The following LRP1 variants were observed in gnomAD, a reference collection of about 807,000 sequenced individuals.
LRP1 encodes LDL receptor related protein 1.
In LRP1, 51 loss-of-function variants were observed where a neutral mutation model predicts 541.5. The ratio of observed to expected loss-of-function variants is 0.09; its 90% confidence interval spans 0.08 to 0.12. The LOEUF (loss-of-function observed/expected upper bound fraction) is 0.12, where lower values mean the gene tolerates loss of function less well. Among genes scored for constraint, LRP1 ranks in the 10% least tolerant of loss-of-function variants. LRP1 has a pLI of 1.00. For synonymous variants in LRP1, 2,219 were observed against 2,470.8 expected, an observed-to-expected ratio of 0.90 and a Z score of 3.02; for missense variants, 3,878 against 6,376.2, an observed-to-expected ratio of 0.61 and a Z score of 13.34.
At position 57,197,216 on chromosome 12, in the gene LRP1, C is replaced by T. The variant is rs757105356; in HGVS notation, c.9076+51C>T. 7 of 1,613,064 alleles carry T rather than the reference C, an allele frequency of 4.3e-6. No individual in the cohort carries two copies. Among genetic ancestry groups the T allele is most frequent in the Non-Finnish European group, 5.9e-6 (7 of 1,179,122 alleles). On this transcript the variant is annotated intron_variant, in intron 56 of 88. Transcript: ENST00000243077. The surrounding 1 kb of genome is among the most constrained non-coding windows in gnomAD (Gnocchi z 4.5). Reference sequence around the variant, plus strand: ...AGGTGACCCAGGCTGTGTGGGACTGCCCGGGTGGCAGAGCTCCAGACAGGC... The same window carrying T: ...AGGTGACCCAGGCTGTGTGGGACTGTCCGGGTGGCAGAGCTCCAGACAGGC...
rs2036789113 is a variant in LRP1, at chr12:57,206,772, G to A, written c.11859+31G>A. 2 of 1,603,580 alleles carry A rather than the reference G, an allele frequency of 1.2e-6. No homozygotes were observed. Among genetic ancestry groups the A allele is most frequent in the Non-Finnish European group, 1.7e-6 (2 of 1,177,670 alleles). ...TGCCCAACCTGGCGTGGATGGAGTG[G>A]AAGAGCTCCATAGAGCAGGCGGTTC... On this transcript the variant is annotated intron_variant, in intron 76 of 88. Coordinates refer to ENST00000243077, the MANE Select transcript of LRP1 (RefSeq NM_002332.3). This position sits in a 1 kb window ranked among gnomAD's most constrained non-coding sequence, Gnocchi z 4.7.
Position 57,195,933 on chromosome 12 carries a change from G to A in LRP1, c.8631G>A (p.Glu2877=). ...NGRCLSSRQW[E]CDGENDCHDQ... is the part of the protein sequence containing the mutation. ...GCTGTCTGAGCTCCCGCCAGTGGGA[G>A]TGTGATGGCGAGAATGACTGCCACG... The change falls in exon 54 of 89, where the codon GAG becomes GAA. Residue 2877 remains glutamate, a synonymous_variant. Coordinates refer to ENST00000243077, the MANE Select transcript of LRP1 (RefSeq NM_002332.3). The A allele has an allele frequency of 6.2e-7, 1 of 1,613,712 alleles. No individual in the cohort carries two copies. Among genetic ancestry groups the A allele is most frequent in the Non-Finnish European group, 8.5e-7 (1 of 1,180,030 alleles).
Position 57,198,448 on chromosome 12 carries a change from T to C in LRP1, c.9471-17T>C. 1 of 1,612,428 alleles carries C rather than the reference T, an allele frequency of 6.2e-7. No individual in the cohort carries two copies. Among genetic ancestry groups the C allele is most frequent in the Non-Finnish European group, 8.5e-7 (1 of 1,178,922 alleles). ...GGTTACGGGATCTCCCAGGGCTCAC[T>C]GCCTACCCATCGCCAGGTACCTGTA... On this transcript the variant is annotated splice_polypyrimidine_tract_variant and intron_variant, in intron 59 of 88. Coordinates refer to ENST00000243077, the MANE Select transcript of LRP1 (RefSeq NM_002332.3).
In LRP1 at chr12:57,197,214, T is replaced by A. The variant is rs2036554405; in HGVS notation, c.9076+49T>A. The A allele has an allele frequency of 1.2e-6, 2 of 1,612,696 alleles. No individual in the cohort carries two copies. The highest frequency in any genetic ancestry group is 1.3e-5 in the African/African-American group (1 of 75,020). On this transcript the variant is annotated intron_variant, in intron 56 of 88. Transcript: ENST00000243077. This position sits in a 1 kb window ranked among gnomAD's most constrained non-coding sequence, Gnocchi z 4.5. ...TGAGGTGACCCAGGCTGTGTGGGAC[T>A]GCCCGGGTGGCAGAGCTCCAGACAG...
chr12:57,134,245 T>G (rs747075263), intron 1 of LRP1, among the ~76,000 whole-genome samples: 11 of 152,064 alleles, frequency 7.2e-5, no homozygotes, highest in Non-Finnish European at 5.9e-5. Flanking sequence ...AAACTCGCTC[T>G]CTCTCCTTCC....
At chr12:57,188,778 C>G (rs527894299) in intron 42 of LRP1, among the ~76,000 whole-genome samples, 45 of 152,314 alleles carry the variant, frequency 3.0e-4, no homozygotes, top group Non-Finnish European at 5.7e-4. Context: ...TGAAGAGCTT[C>G]GTGGCTGTGT....
chr12:57,185,342 C>A lies in LRP1; in HGVS notation c.6463+137C>A. On this transcript the variant is annotated intron_variant, in intron 40 of 88. Transcript: ENST00000243077. The surrounding 1 kb of genome is among the most constrained non-coding windows in gnomAD (Gnocchi z 4.9). The stretch of plus-strand genomic sequence containing the variant: ...GGCAACTTCCGATGGCCCGAGAGAC[C>A]CAGGGATGGGGAGGAAAGGCTGAGG... 1 of 1,395,774 alleles carries A rather than the reference C, an allele frequency of 7.2e-7. No individual in the cohort carries two copies. 86.5% of individuals were successfully genotyped at this position (1,395,774 alleles called of 1,614,324 possible). A position where few individuals can be genotyped will look rare whatever the true frequency, so the allele number is the denominator to read the frequency against.
intron 1 of LRP1, among the ~76,000 whole-genome samples, chr12:57,131,837 T>C (rs980977857): frequency 6.6e-6 from 1 of 152,170 alleles, no homozygotes; most frequent in Non-Finnish European, 1.5e-5. Context: ...AGTCAGTTCC[T>C]GTCCAGATGC....
In LRP1 at chr12:57,177,339, C is replaced by T; in HGVS notation, c.4197-88C>T. On this transcript the variant is annotated intron_variant, in intron 25 of 88. Transcript: ENST00000243077. The surrounding 1 kb of genome is among the most constrained non-coding windows in gnomAD (Gnocchi z 6.8). Reference sequence around the variant, plus strand: ...ACACCTTACTCCTCAGTGCCATCTGCCTCCTCCCACCCTCTACCTACGATC... The same window carrying T: ...ACACCTTACTCCTCAGTGCCATCTGTCTCCTCCCACCCTCTACCTACGATC... 1.3e-6 allele frequency: 2 copies of T among 1,558,054 alleles called. No homozygotes were observed. The highest frequency in any genetic ancestry group is 1.8e-6 in the Non-Finnish European group (2 of 1,141,038).
chr12:57,193,817 G>A lies in LRP1; in HGVS notation c.7805-82G>A, dbSNP rs1360485704. The A allele has an allele frequency of 8.8e-6, 14 of 1,591,232 alleles. No individual in the cohort carries two copies. The African/African-American group carries it at 1.2e-4, about 14-fold the overall frequency. Reference sequence around the variant, plus strand: ...TGTGACAGGCCAGGGCAGGTGCTGTGGGCCAGGAGCTCTGTCCTGCGTCCT... The same window carrying A: ...TGTGACAGGCCAGGGCAGGTGCTGTAGGCCAGGAGCTCTGTCCTGCGTCCT... On this transcript the variant is annotated intron_variant, in intron 47 of 88. Transcript: ENST00000243077.
At chr12:57,190,074 G>A (rs2036347086) in intron 42 of LRP1, among the ~76,000 whole-genome samples, 1 of 152,200 alleles carries the variant, frequency 6.6e-6, no homozygotes. Context: ...AGGGCTCAGA[G>A]GGGCGACAGG....
Position 57,173,746 on chromosome 12 carries a change from G to C in LRP1, c.3347-34G>C. 6.2e-7 allele frequency: 1 copy of C among 1,611,060 alleles called. No homozygotes were observed. ...AAGGGCAGGGGGAGCCCCAGTCCCC[G>C]GGCCTGGGCCCTCATAGTGCACCTG... On this transcript the variant is annotated intron_variant, in intron 21 of 88. Transcript: ENST00000243077. The surrounding 1 kb of genome is among the most constrained non-coding windows in gnomAD (Gnocchi z 4.7).
chr12:57,144,272 T>C (rs1370300033), intron 4 of LRP1, among the ~76,000 whole-genome samples: 1 of 152,232 alleles, frequency 6.6e-6, no homozygotes, highest in Non-Finnish European at 1.5e-5. Flanking sequence ...TTATTTTCAA[T>C]GTTTTTCACT....
In LRP1 at chr12:57,211,271, A is replaced by T; in HGVS notation, c.13012A>T (p.Arg4338Trp). The T allele has an allele frequency of 6.2e-7, 1 of 1,614,106 alleles. No homozygotes were observed. Among genetic ancestry groups the T allele is most frequent in the Non-Finnish European group, 8.5e-7 (1 of 1,180,024 alleles). ...CRCTAYFEGS[R>W]CEVNKCSRCL... ...CTGCACTGCCTACTTTGAGGGATCG[A>T]GGTGTGAGGTGAACAAGTGCAGCCG... The change falls in exon 84 of 89, where the codon AGG becomes TGG. Residue 4338 changes from arginine to tryptophan, a missense_variant. Physicochemically the swap from Arg to Trp is moderately radical, Grantham distance 101. Coordinates refer to ENST00000243077, the MANE Select transcript of LRP1 (RefSeq NM_002332.3). This position sits in a 1 kb window ranked among gnomAD's most constrained non-coding sequence, Gnocchi z 4.3.
rs1370154057 is a variant in LRP1, at chr12:57,183,416, A to C, written c.5700A>C (p.Gly1900=). ...TTCTCCTGTACTCTGTGCATGAGGG[A>C]ATCAGGGGAATTCCCCTGGATCCCA... ...GSFLLYSVHE[G]IRGIPLDPND... The change falls in exon 35 of 89, where the codon GGA becomes GGC. Residue 1900 remains glycine, a synonymous_variant. Coordinates refer to ENST00000243077, the MANE Select transcript of LRP1 (RefSeq NM_002332.3). This position sits in a 1 kb window ranked among gnomAD's most constrained non-coding sequence, Gnocchi z 6.1. 6 of 1,614,022 alleles carry C rather than the reference A, an allele frequency of 3.7e-6. No homozygotes were observed. The highest frequency in any genetic ancestry group is 5.1e-6 in the Non-Finnish European group (6 of 1,179,902).
At chr12:57,143,822 T>G in intron 4 of LRP1, 24 bp downstream of exon 4, 1 of 1,602,552 alleles carries the variant, frequency 6.2e-7, no homozygotes. Flanking sequence ...TGTGCCTGTG[T>G]GCATGTGTGT....
chr12:57,173,080 G>T lies in LRP1; in HGVS notation c.3164-88G>T. ...CTGCCTCTGCTCATATCCCCAGGCT[G>T]GGCTTACCGGGGTGGCAGGGCACAG... On this transcript the variant is annotated intron_variant, in intron 20 of 88. Transcript: ENST00000243077. This position sits in a 1 kb window ranked among gnomAD's most constrained non-coding sequence, Gnocchi z 4.7. The T allele has an allele frequency of 8.9e-7, 1 of 1,125,668 alleles. No homozygotes were observed. The highest frequency in any genetic ancestry group is 1.3e-6 in the Non-Finnish European group (1 of 792,522). 69.7% of individuals were successfully genotyped at this position (1,125,668 alleles called of 1,614,324 possible).
intron 6 of LRP1, chr12:57,149,501 A>G: frequency 1.6e-6 from 1 of 614,266 alleles, no homozygotes; most frequent in Non-Finnish European, 2.9e-6. Context: ...CAAAGGAAGT[A>G]ACTTAAGCAA....
rs548802512 is a variant in LRP1, at chr12:57,183,272, G to T, written c.5663-107G>T. 1 of 1,222,468 alleles carries T rather than the reference G, an allele frequency of 8.2e-7. No homozygotes were observed. The allele number at this position is 1,222,468 out of a possible 1,614,324, so 75.7% of individuals were successfully genotyped here. A position where few individuals can be genotyped will look rare whatever the true frequency, so the allele number is the denominator to read the frequency against. ...TGGGTGGAGGATAGGGATGATGGTG[G>T]GGGGGGATGATATCAAAGGAGAAGC... On this transcript the variant is annotated intron_variant, in intron 34 of 88. Transcript: ENST00000243077. This position sits in a 1 kb window ranked among gnomAD's most constrained non-coding sequence, Gnocchi z 6.1.
Sources: allele counts gnomAD v4.1 joint callset (sites outside exome capture counted in the v4.1 genomes callset), GRCh38; gene constraint gnomAD v4.1.1; non-coding constraint Gnocchi (gnomAD v3.1); transcripts MANE v1.5; gene names NCBI Gene and HGNC (gene_info 2026-07-23, HGNC 2026-07-21).